The following AASS variants were observed in gnomAD, a reference collection of about 807,000 sequenced individuals.
AASS encodes alpha-aminoadipic semialdehyde synthase, mitochondrial.
AASS carries 86 observed loss-of-function variants against 105.4 expected under a neutral mutation model. The observed-to-expected ratio is 0.82, with a 90% CI of 0.69 to 0.98. The LOEUF is 0.98. AASS is among the 50% of genes least tolerant of loss of function. The probability of loss-of-function intolerance (pLI) is 0.00; values close to 1 mark genes in which losing one functional copy is unlikely to be tolerated. For missense variants in AASS, 1,048 were observed against 1,143.2 expected (o/e 0.92, Z 1.20); for synonymous variants, 381 against 394.8 (o/e 0.96, Z 0.41).
chr7:122,126,219 T>C (rs1198823612), intron 4 of AASS, among the ~76,000 whole-genome samples, 156 bp downstream of exon 4: 1 of 152,204 alleles, frequency 6.6e-6, no homozygotes, highest in Non-Finnish European at 1.5e-5. Flanking sequence ...CTTCATACTT[T>C]ATTCCACTTG....
In AASS at chr7:122,092,967, A is replaced by T. The variant is rs1278555379; in HGVS notation, c.1767-16T>A. On this transcript the variant is annotated splice_polypyrimidine_tract_variant and intron_variant, in intron 16 of 23. Transcript: ENST00000417368. ...ATCTTCCACACTGCAGCAGGTGGAAAGAGGAAAAAGGAAAACTTGGATATA... is the reference window on the plus strand; with the variant it reads ...ATCTTCCACACTGCAGCAGGTGGAATGAGGAAAAAGGAAAACTTGGATATA... The T allele has an allele frequency of 4.3e-6, 7 of 1,612,638 alleles. No individual in the cohort carries two copies. The highest frequency in any genetic ancestry group is 5.9e-6 in the Non-Finnish European group (7 of 1,178,816).
chr7:122,113,296 T>G, intron 10 of AASS, 67 bp from the exon 11 acceptor site: 2 of 1,337,834 alleles, frequency 1.5e-6, no homozygotes, highest in Middle Eastern at 1.8e-4. Flanking sequence ...CTTTTCCAGA[T>G]GTCTACTCCA....
chr7:122,108,303 A>T (rs192857137), intron 11 of AASS, among the ~76,000 whole-genome samples: 23 of 152,222 alleles, frequency 1.5e-4, no homozygotes, highest in African/African-American at 5.5e-4. Flanking sequence ...GGAGGAGGGA[A>T]TTCTTCCAAA....
At chr7:122,138,229 T>C (rs1339691337) in intron 1 of AASS, among the ~76,000 whole-genome samples, 1 of 152,172 alleles carries the variant, frequency 6.6e-6, no homozygotes, top group African/African-American at 2.4e-5. Flanking sequence ...CATGGGAGTA[T>C]TATAGTGAAT....
In AASS at chr7:122,098,897, G is replaced by C. The variant is rs779357377; in HGVS notation, c.1407-31C>G. ...TAAAAAAAAAAAAAAAAAAAAAAAA[G>C]GGAAGGGGCTAATTAAAAATTTTTT... On this transcript the variant is annotated intron_variant, in intron 13 of 23. Transcript: ENST00000417368. The C allele has an allele frequency of 3.4e-6, 4 of 1,173,280 alleles. No individual in the cohort carries two copies. The East Asian group carries it at 8.4e-5, about 25-fold the overall frequency. 72.7% of individuals were successfully genotyped at this position (1,173,280 alleles called of 1,614,324 possible). A position where few individuals can be genotyped will look rare whatever the true frequency, so the allele number is the denominator to read the frequency against.
Position 122,113,168 on chromosome 7 carries a change from CAA to C in AASS, c.1226_1227del (p.Ile409ArgfsTer15). 6.2e-7 allele frequency: 1 copy of C among 1,614,036 alleles called. No homozygotes were observed. Among genetic ancestry groups the C allele is most frequent in the African/African-American group, 1.3e-5 (1 of 75,046 alleles). On this transcript the variant is annotated frameshift_variant, in exon 11 of 24. Transcript: ENST00000417368. LOFTEE classifies it high-confidence loss of function. ...ATGTCTCCAAAGCATTCTGTAGCTT[CAA>C]TTGGGAGCTGTGCCGGCAAATTGTC... ...SIDNLPAQLP[I>X]EATECFGDML...
chr7:122,101,509 GAT>G, intron 12 of AASS, 71 bp from the exon 13 acceptor site: 2 of 1,490,186 alleles, frequency 1.3e-6, no homozygotes, highest in Non-Finnish European at 1.9e-6. Flanking sequence ...TGTCATGACT[GAT>G]AGAGAAAAGA....
At chr7:122,129,640 T>C in intron 2 of AASS, 103 bp from the exon 3 acceptor site, 1 of 1,047,944 alleles carries the variant, frequency 9.5e-7, no homozygotes, top group Non-Finnish European at 1.5e-6. Flanking sequence ...TTTGAAGGAA[T>C]AAAATCTGTA....
chr7:122,079,847 A>G, intron 20 of AASS, 135 bp from the exon 21 acceptor site: 1 of 688,134 alleles, frequency 1.5e-6, no homozygotes, highest in Non-Finnish European at 2.6e-6. Context: ...TGGAAATAGG[A>G]AATTGTAACA....
intron 4 of AASS, among the ~76,000 whole-genome samples, chr7:122,125,771 AT>A (rs1328035100): frequency 7.8e-6 from 1 of 128,984 alleles, no homozygotes; most frequent in Non-Finnish European, 1.6e-5. Flanking sequence ...GTCTGAATAA[AT>A]TTTGCTCCTA....
chr7:122,097,483 T>C (rs1471937656), intron 15 of AASS, among the ~76,000 whole-genome samples: 4 of 152,064 alleles, frequency 2.6e-5, no homozygotes, highest in South Asian at 2.1e-4. Flanking sequence ...GTAATAAGCA[T>C]AGTACCCAAT....
intron 6 of AASS, 82 bp downstream of exon 6, chr7:122,118,225 C>A: frequency 6.6e-7 from 1 of 1,507,048 alleles, no homozygotes; most frequent in Non-Finnish European, 9.1e-7. Flanking sequence ...ATTTGAAATA[C>A]CCACAAAATG....
chr7:122,112,776 G>A (rs1228358468), intron 11 of AASS, among the ~76,000 whole-genome samples: 6 of 151,674 alleles, frequency 4.0e-5, no homozygotes, highest in South Asian at 4.2e-4. Flanking sequence ...TGGTTATTAC[G>A]GCACAATAAG....
intron 13 of AASS, among the ~76,000 whole-genome samples, chr7:122,100,108 A>C (rs1794354006): frequency 6.6e-6 from 1 of 151,914 alleles, no homozygotes; most frequent in Admixed American, 6.6e-5. Flanking sequence ...GTTCAATATA[A>C]AGTAAATTTC....
At chr7:122,126,581 C>T (rs1795666612) in intron 3 of AASS, 122 bp from the exon 4 acceptor site, 3 of 821,548 alleles carry the variant, frequency 3.7e-6, no homozygotes, top group Middle Eastern at 4.7e-4. Flanking sequence ...AACTTGCTAA[C>T]AGAAGCTACC....
intron 18 of AASS, among the ~76,000 whole-genome samples, chr7:122,087,563 T>G (rs1168740081): frequency 6.6e-6 from 1 of 152,128 alleles, no homozygotes; most frequent in Non-Finnish European, 1.5e-5. Context: ...TGAAAAAATC[T>G]AAGAAAGCAA....
chr7:122,092,849 T>C lies in AASS; in HGVS notation c.1869A>G (p.Gly623=). ...METIDKAKEV[G]ATIESYISYC... The stretch of plus-strand genomic sequence containing the variant: ...GGGTACAAATTGGGCTCACCGTGGC[T>C]CCCACTTCCTTGGCTTTATCTATTG... Residue 623 remains glycine, a synonymous_variant, in exon 17 of 24, where the codon GGA becomes GGG. Coordinates refer to ENST00000417368, the MANE Select transcript of AASS (RefSeq NM_005763.4). The C allele has an allele frequency of 6.2e-7, 1 of 1,613,738 alleles. No individual in the cohort carries two copies. The highest frequency in any genetic ancestry group is 8.5e-7 in the Non-Finnish European group (1 of 1,179,726).
intron 1 of AASS, among the ~76,000 whole-genome samples, chr7:122,140,680 C>T (rs774160954): frequency 1.5e-4 from 23 of 151,912 alleles, no homozygotes; most frequent in Non-Finnish European, 2.5e-4. Context: ...AATTTCACTA[C>T]AGCATAATTC....
At chr7:122,137,464 C>T (rs1427572138) in intron 1 of AASS, among the ~76,000 whole-genome samples, 1 of 152,116 alleles carries the variant, frequency 6.6e-6, no homozygotes, top group East Asian at 1.9e-4. Context: ...ACAGTTCTCC[C>T]CGTAGCATGC....
Sources: allele counts gnomAD v4.1 joint callset (sites outside exome capture counted in the v4.1 genomes callset), GRCh38; gene constraint gnomAD v4.1.1; transcripts MANE v1.5; gene names NCBI Gene and HGNC (gene_info 2026-07-23, HGNC 2026-07-21).